Variants in SLC17A6 observed in about 807,000 individuals in gnomAD.
The protein encoded by SLC17A6 is solute carrier family 17 member 6.
A neutral mutation model predicts 67.1 loss-of-function variants in SLC17A6; 35 were observed. The observed-to-expected ratio is 0.52, with a 90% CI of 0.40 to 0.69. The LOEUF (loss-of-function observed/expected upper bound fraction) is 0.69, where lower values mean the gene tolerates loss of function less well. SLC17A6 is among the 30% of genes least tolerant of loss of function. The pLI is 0.00. For synonymous variants in SLC17A6, 285 were observed against 252.3 expected, an observed-to-expected ratio of 1.13 and a Z score of -1.23; for missense variants, 588 against 723.9, an observed-to-expected ratio of 0.81 and a Z score of 2.15.
At chr11:22,363,282 T>A (rs1856073154) in intron 6 of SLC17A6, among the ~76,000 whole-genome samples, 1 of 152,118 alleles carries the variant, frequency 6.6e-6, no homozygotes, top group South Asian at 2.1e-4. Flanking sequence ...GACTATTCAA[T>A]TCCGTAATGA....
chr11:22,347,470 GTTA>G (rs1436647809), intron 3 of SLC17A6, among the ~76,000 whole-genome samples: 1 of 149,462 alleles, frequency 6.7e-6, no homozygotes, highest in Admixed American at 6.7e-5. Flanking sequence ...ATTGCTTGCC[GTTA>G]TTATTTAGTA....
At chr11:22,362,528 G>A (rs1305053437) in intron 5 of SLC17A6, among the ~76,000 whole-genome samples, 1 of 152,140 alleles carries the variant, frequency 6.6e-6, no homozygotes, top group Admixed American at 6.5e-5. Context: ...GTCTTGGGTA[G>A]GAGGTAGGTG....
At chr11:22,353,804 C>T (rs1855967666) in intron 3 of SLC17A6, among the ~76,000 whole-genome samples, 1 of 152,148 alleles carries the variant, frequency 6.6e-6, no homozygotes, top group Non-Finnish European at 1.5e-5. Context: ...CTTTGTCTAG[C>T]TTTGTTTTTT....
Position 22,363,872 on chromosome 11 carries a change from A to G in SLC17A6, c.748+1047A>G. ...AGGAGTGCATAATTCAACAAAGTTTAAAAGCACTTGTTTTATAGGATGTAT... is the reference window on the plus strand; with the variant it reads ...AGGAGTGCATAATTCAACAAAGTTTGAAAGCACTTGTTTTATAGGATGTAT... On this transcript the variant is annotated intron_variant, in intron 6 of 11. Transcript: ENST00000263160. Among the ~76,000 whole-genome samples the G allele has an allele frequency of 1.3e-5, 2 of 152,184 alleles. 1 individual carries two copies. The highest frequency in any genetic ancestry group is 3.9e-4 in the East Asian group (2 of 5,194).
At chr11:22,339,732 T>C (rs1855791521) in intron 1 of SLC17A6, among the ~76,000 whole-genome samples, 1 of 152,120 alleles carries the variant, frequency 6.6e-6, no homozygotes. Context: ...TCCAAATCTC[T>C]TCAGGTTTGG....
chr11:22,341,605 G>A lies in SLC17A6; in HGVS notation c.164G>A (p.Arg55Lys), dbSNP rs1215453671. The A allele has an allele frequency of 1.2e-6, 2 of 1,614,122 alleles. No homozygotes were observed. The change falls in exon 2 of 12, where the codon AGG becomes AAG. Residue 55 changes from arginine to lysine, a missense_variant. Around this residue, in one of 4 missense-constraint regions of SLC17A6, gnomAD observed 117 missense variants for 98.7 expected, o/e 1.19. Transcript: ENST00000263160. The stretch of plus-strand genomic sequence containing the variant: ...GGGAAGCCCCTAGAGGTGCCCGAGA[G>A]GAAGGCGCCGCTGTGCGACTGCACG... The part of the protein sequence containing the change: ...EDGKPLEVPE[R>K]KAPLCDCTCF...
At chr11:22,343,918 G>T (rs1039668097) in intron 3 of SLC17A6, among the ~76,000 whole-genome samples, 2 of 152,100 alleles carry the variant, frequency 1.3e-5, no homozygotes, top group South Asian at 2.1e-4. Context: ...AGGGGCGGGC[G>T]TTGGGGGAGC....
At chr11:22,375,672 G>A (rs1856225269) in intron 9 of SLC17A6, among the ~76,000 whole-genome samples, 1 of 151,956 alleles carries the variant, frequency 6.6e-6, no homozygotes, top group African/African-American at 2.4e-5. Context: ...TAGAGTCTGG[G>A]TTTCTCCATG....
intron 9 of SLC17A6, 152 bp downstream of exon 9, chr11:22,375,039 C>A: frequency 1.2e-6 from 1 of 816,434 alleles, no homozygotes; most frequent in Non-Finnish European, 1.8e-6. Context: ...CATATTACAT[C>A]AAATTTTTCA....
chr11:22,355,391 C>T (rs1014039888), intron 3 of SLC17A6, among the ~76,000 whole-genome samples: 2 of 152,158 alleles, frequency 1.3e-5, no homozygotes, highest in Non-Finnish European at 2.9e-5. Context: ...TCCCCCCACC[C>T]TCTTCTACCA....
chr11:22,348,283 A>C (rs1855900731), intron 3 of SLC17A6, among the ~76,000 whole-genome samples: 2 of 152,160 alleles, frequency 1.3e-5, no homozygotes, highest in South Asian at 4.1e-4. Context: ...GAGTGATTAC[A>C]ATCTATCATG....
At chr11:22,370,951 A>G (rs1166996482) in intron 8 of SLC17A6, among the ~76,000 whole-genome samples, 1 of 152,122 alleles carries the variant, frequency 6.6e-6, no homozygotes, top group African/African-American at 2.4e-5. Flanking sequence ...AACTACTCTC[A>G]TATTCATGAA....
At chr11:22,355,255 T>C (rs1855983268) in intron 3 of SLC17A6, among the ~76,000 whole-genome samples, 1 of 152,206 alleles carries the variant, frequency 6.6e-6, no homozygotes, top group Non-Finnish European at 1.5e-5. Context: ...AACCATTACC[T>C]AGTGATGTCG....
intron 2 of SLC17A6, 68 bp downstream of exon 2, chr11:22,341,848 G>A: frequency 6.4e-7 from 1 of 1,554,184 alleles, no homozygotes; most frequent in Non-Finnish European, 8.7e-7. Flanking sequence ...CACATCTCCT[G>A]TTTGAGCCCC....
At chr11:22,344,523 G>C (rs1295984028) in intron 3 of SLC17A6, among the ~76,000 whole-genome samples, 1 of 152,158 alleles carries the variant, frequency 6.6e-6, no homozygotes, top group Non-Finnish European at 1.5e-5. Context: ...CCTAGAGTGA[G>C]GGTTTTGGGG....
At chr11:22,350,018 G>C (rs1406283203) in intron 3 of SLC17A6, among the ~76,000 whole-genome samples, 1 of 152,152 alleles carries the variant, frequency 6.6e-6, no homozygotes, top group Non-Finnish European at 1.5e-5. Flanking sequence ...CTGTAGAAGT[G>C]ACAAGTCACC....
chr11:22,349,136 A>T (rs1028775138), intron 3 of SLC17A6, among the ~76,000 whole-genome samples: 15 of 152,112 alleles, frequency 9.9e-5, no homozygotes, highest in Non-Finnish European at 1.5e-5. Context: ...TGCAACCTCC[A>T]TTGCAAGAAG....
chr11:22,344,988 T>C (rs1436075819), intron 3 of SLC17A6, among the ~76,000 whole-genome samples: 1 of 151,712 alleles, frequency 6.6e-6, no homozygotes, highest in East Asian at 1.9e-4. Flanking sequence ...GAAAAAAAAA[T>C]CCAACAATTC....
At chr11:22,346,917 T>G (rs898764519) in intron 3 of SLC17A6, among the ~76,000 whole-genome samples, 3 of 150,890 alleles carry the variant, frequency 2.0e-5, no homozygotes, top group Admixed American at 2.0e-4. Context: ...GGGAGTTTGA[T>G]GAACATTATA....
Sources: allele counts gnomAD v4.1 joint callset (sites outside exome capture counted in the v4.1 genomes callset), GRCh38; gene constraint gnomAD v4.1.1; regional missense constraint gnomAD v4.1.1; transcripts MANE v1.5; gene names NCBI Gene and HGNC (gene_info 2026-07-23, HGNC 2026-07-21).